PRSS12: variants seen among roughly 807,000 people sequenced by gnomAD.
The protein encoded by PRSS12 is neurotrypsin.
PRSS12 carries 85 observed loss-of-function variants against 104.4 expected under a neutral mutation model. The ratio of observed to expected loss-of-function variants is 0.81; its 90% confidence interval spans 0.68 to 0.98. The LOEUF is 0.98. PRSS12 is among the 50% of genes least tolerant of loss of function. The probability of loss-of-function intolerance (pLI) is 0.00; values close to 1 mark genes in which losing one functional copy is unlikely to be tolerated. For synonymous variants in PRSS12, 454 were observed against 425.2 expected (o/e 1.07, Z -0.83); for missense variants, 1,141 against 1,139.2 (o/e 1.00, Z -0.02).
chr4:118,282,630 C>A (rs533154065), intron 12 of PRSS12, among the ~76,000 whole-genome samples: 2 of 152,282 alleles, frequency 1.3e-5, no homozygotes, highest in East Asian at 3.9e-4. Context: ...AAACTGAGTT[C>A]TCAGTTTATG....
At chr4:118,309,445 T>C (rs1252275790) in intron 7 of PRSS12, among the ~76,000 whole-genome samples, 1 of 145,322 alleles carries the variant, frequency 6.9e-6, no homozygotes, top group Non-Finnish European at 1.5e-5. Flanking sequence ...AGGACTGCCA[T>C]ATACAAGCTA....
chr4:118,293,492 A>G (rs543067492), intron 11 of PRSS12, among the ~76,000 whole-genome samples: 7 of 152,306 alleles, frequency 4.6e-5, no homozygotes. Flanking sequence ...TAAACAAGTA[A>G]AAGGACAAGG....
intron 11 of PRSS12, among the ~76,000 whole-genome samples, chr4:118,293,036 T>A (rs756478356): frequency 1.3e-5 from 2 of 150,202 alleles, no homozygotes; most frequent in African/African-American, 2.5e-5. Context: ...ATAATAATAA[T>A]AAATAAATAA....
At chr4:118,352,125 C>T in intron 1 of PRSS12, 94 bp downstream of exon 1, 1 of 1,541,304 alleles carries the variant, frequency 6.5e-7, no homozygotes, top group Non-Finnish European at 8.7e-7. Flanking sequence ...CCCACACACC[C>T]CGTCACTTTT....
Position 118,352,464 on chromosome 4 carries a change from G to T in PRSS12, c.257C>A (p.Pro86His), listed in dbSNP as rs752074263. Residue 86 changes from proline to histidine, a missense_variant, in exon 1 of 13, where the codon CCC (proline) becomes CAC (histidine). By Grantham distance (77) the Pro-to-His change is moderately conservative. Coordinates refer to ENST00000296498, the MANE Select transcript of PRSS12 (RefSeq NM_003619.4). ...RPHALQAGHT[P>H]RPHPWGCPAG... ...GGGGCAGCCCCAGGGGTGCGGCCGG[G>T]GCGTGTGCCCGGCCTGGAGGGCGTG... 5 of 1,400,612 alleles carry T rather than the reference G, an allele frequency of 3.6e-6. No individual in the cohort carries two copies. Among genetic ancestry groups the T allele is most frequent in the Middle Eastern group, 2.3e-4 (1 of 4,432 alleles). 86.8% of individuals were successfully genotyped at this position (1,400,612 alleles called of 1,614,324 possible).
At chr4:118,322,529 G>A (rs2126037225) in intron 4 of PRSS12, among the ~76,000 whole-genome samples, 1 of 148,310 alleles carries the variant, frequency 6.7e-6, no homozygotes, top group South Asian at 2.2e-4. Flanking sequence ...CTGCCTGGGT[G>A]ACACAGCGAG....
chr4:118,341,696 C>T (rs1342349060), intron 1 of PRSS12, among the ~76,000 whole-genome samples: 1 of 151,980 alleles, frequency 6.6e-6, no homozygotes, highest in Non-Finnish European at 1.5e-5. Context: ...AGCAAGCTAA[C>T]CACAACAACA....
In PRSS12 at chr4:118,352,566, C is replaced by T; in HGVS notation, c.155G>A (p.Arg52Gln). 8 of 1,552,262 alleles carry T rather than the reference C, an allele frequency of 5.2e-6. No homozygotes were observed. The highest frequency in any genetic ancestry group is 7.0e-6 in the Non-Finnish European group (8 of 1,149,252). Residue 52 changes from arginine to glutamine, a missense_variant, in exon 1 of 13, where the codon CGG becomes CAG. Physicochemically the swap from Arg to Gln is conservative, Grantham distance 43. Transcript: ENST00000296498. ...HYPYYLPTQQRPPRTRPPPPL... is the reference protein window; with the variant it reads ...HYPYYLPTQQQPPRTRPPPPL... ...CGGCGGCGGACGCGTCCTCGGGGGC[C>T]GCTGCTGGGTGGGAAGGTAATAGGG...
intron 4 of PRSS12, among the ~76,000 whole-genome samples, chr4:118,329,592 G>A (rs984547056): frequency 1.3e-4 from 20 of 152,172 alleles, no homozygotes; most frequent in African/African-American, 4.6e-4. Flanking sequence ...GAGGAATAGT[G>A]TTTGGTGCTC....
At chr4:118,303,500 C>T (rs140406674) in intron 8 of PRSS12, 24 of 152,206 alleles carry the variant, frequency 1.6e-4, no homozygotes, top group East Asian at 1.2e-3. Context: ...AAATCTAATA[C>T]ATTTTCTTTT....
chr4:118,296,078 A>C (rs984596233), intron 9 of PRSS12, among the ~76,000 whole-genome samples: 2 of 152,214 alleles, frequency 1.3e-5, no homozygotes, highest in African/African-American at 4.8e-5. Context: ...TTCACCTCTG[A>C]GGGGTTCATG....
chr4:118,348,682 G>A (rs963249316), intron 1 of PRSS12, among the ~76,000 whole-genome samples: 13 of 144,946 alleles, frequency 9.0e-5, no homozygotes, highest in East Asian at 2.0e-4. Flanking sequence ...ACAGAGTTTC[G>A]CTCTTGTTGC....
intron 11 of PRSS12, among the ~76,000 whole-genome samples, chr4:118,292,564 T>A (rs1743152760): frequency 6.6e-6 from 1 of 152,236 alleles, no homozygotes; most frequent in East Asian, 1.9e-4. Flanking sequence ...TGACTTGTTC[T>A]CCACTATATC....
chr4:118,309,711 G>T (rs193153313), intron 7 of PRSS12, among the ~76,000 whole-genome samples: 2 of 152,276 alleles, frequency 1.3e-5, no homozygotes, highest in Admixed American at 1.3e-4. Flanking sequence ...AGGATTTAGG[G>T]AATACAATAA....
chr4:118,303,175 G>C (rs1743443066), intron 8 of PRSS12: 1 of 151,752 alleles, frequency 6.6e-6, no homozygotes, highest in Non-Finnish European at 1.5e-5. Context: ...AAAACAATAA[G>C]AATGTTGAAT....
At position 118,305,164 on chromosome 4, in the gene PRSS12, A is replaced by G. The variant is rs947638201; in HGVS notation, c.1631+3272T>C. Among the ~76,000 whole-genome samples the G allele has an allele frequency of 2.0e-5, 3 of 151,052 alleles. No homozygotes were observed. The East Asian group carries it at 5.8e-4, about 29-fold the overall frequency. On this transcript the variant is annotated intron_variant, in intron 8 of 12. Transcript: ENST00000296498. ...ATATATATATACTGAAAATATACAT[A>G]TATGTTCTTATATGAAATCCAATTT...
chr4:118,338,006 A>G (rs1724103742), intron 2 of PRSS12, among the ~76,000 whole-genome samples, 170 bp downstream of exon 2: 1 of 152,152 alleles, frequency 6.6e-6, no homozygotes, highest in Non-Finnish European at 1.5e-5. Flanking sequence ...CATGTGAGAG[A>G]ATTCATTTCT....
intron 1 of PRSS12, among the ~76,000 whole-genome samples, chr4:118,349,043 A>G (rs1292328426): frequency 6.6e-6 from 1 of 152,002 alleles, no homozygotes; most frequent in Non-Finnish European, 1.5e-5. Context: ...AGCCACTGGA[A>G]CATCCACGCC....
chr4:118,304,680 T>C (rs1325412666), intron 8 of PRSS12, among the ~76,000 whole-genome samples: 1 of 152,052 alleles, frequency 6.6e-6, no homozygotes, highest in African/African-American at 2.4e-5. Context: ...ATTTAACTGA[T>C]CTCAACACAT....
Sources: gnomAD v4.1 joint callset for allele counts (sites outside exome capture counted in the v4.1 genomes callset) on GRCh38, gnomAD v4.1.1 for gene constraint, MANE v1.5 for transcripts, NCBI Gene and HGNC (gene_info 2026-07-23, HGNC 2026-07-21) for gene names.